PCDHA1: variants seen among roughly 807,000 people sequenced by gnomAD.
PCDHA1 encodes the protein protocadherin alpha 1, also known as protocadherin alpha-1.
In PCDHA1, 42 loss-of-function variants were observed where a neutral mutation model predicts 61.3. That is an observed-to-expected ratio of 0.69 (90% confidence interval 0.54 to 0.89). The LOEUF (loss-of-function observed/expected upper bound fraction) is 0.89. Among genes scored for constraint, PCDHA1 ranks in the 40% least tolerant of loss-of-function variants. The probability of loss-of-function intolerance (pLI) is 0.00; values close to 1 mark genes in which losing one functional copy is unlikely to be tolerated. For missense variants in PCDHA1, 1,256 were observed against 1,235.3 expected (o/e 1.02, Z -0.25); for synonymous variants, 610 against 553.8 (o/e 1.10, Z -1.43).
rs555714516 is a variant in PCDHA1, at chr5:140,983,025, A to T, written c.2542+462A>T. Among the ~76,000 whole-genome samples the T allele has an allele frequency of 9.9e-5, 15 of 151,964 alleles. 1 individual carries two copies. The South Asian group carries it at 2.9e-3, about 29-fold the overall frequency. ...AAGAAAAAGGAAGGAAGGAAGGAAG[A>T]TGGTTTCTCATGGAAGTGGAAAATT... On this transcript the variant is annotated intron_variant, in intron 3 of 3. Coordinates refer to ENST00000504120, the MANE Select transcript of PCDHA1 (RefSeq NM_018900.4).
intron 1 of PCDHA1, among the ~76,000 whole-genome samples, chr5:140,954,347 G>A (rs145658065): frequency 0.023 from 3,565 of 152,288 alleles, 49 homozygotes; most frequent in Middle Eastern, 0.034. Flanking sequence ...CTAGATCTTT[G>A]AGGAATCGCC....
At chr5:140,856,508 G>A (rs2044043194) in intron 1 of PCDHA1, 6 of 1,598,282 alleles carry the variant, frequency 3.8e-6, no homozygotes, top group Non-Finnish European at 5.1e-6. Context: ...ATTTCCACTA[G>A]AAGGCGCATC....
In PCDHA1 at chr5:140,883,729, C is replaced by T. The variant is rs572170960; in HGVS notation, c.2394+95045C>T. 8 of 1,613,520 alleles carry T rather than the reference C, an allele frequency of 5.0e-6. No homozygotes were observed. In the African/African-American group the frequency reaches 8.0e-5, roughly 16 times the overall value. ...CTCAGGACGCGGACGCACAGGAGAA[C>T]GCGCTGGTCTCCTACTCGCTGGTGG... On this transcript the variant is annotated intron_variant, in intron 1 of 3. Coordinates refer to ENST00000504120, the MANE Select transcript of PCDHA1 (RefSeq NM_018900.4).
chr5:140,941,564 C>T (rs1352264408), intron 1 of PCDHA1, among the ~76,000 whole-genome samples: 2 of 151,992 alleles, frequency 1.3e-5, no homozygotes, highest in Non-Finnish European at 2.9e-5. Flanking sequence ...ATCCATTCGC[C>T]TCAGCCTCCC....
rs1554151191 is a variant in PCDHA1, at chr5:140,858,123, T to A, written c.2394+69439T>A. The A allele has an allele frequency of 6.3e-7, 1 of 1,597,678 alleles. No individual in the cohort carries two copies. Among genetic ancestry groups the A allele is most frequent in the South Asian group, 1.1e-5 (1 of 90,530 alleles). ...GGCGTGGCGCCCGAGGTGGCCCTGG[T>A]GGATGTCAACGTGTACCTGATCATC... On this transcript the variant is annotated intron_variant, in intron 1 of 3. Coordinates refer to ENST00000504120, the MANE Select transcript of PCDHA1 (RefSeq NM_018900.4).
At chr5:140,843,820 T>A in intron 1 of PCDHA1, 1 of 1,210,794 alleles carries the variant, frequency 8.3e-7, no homozygotes, top group South Asian at 1.5e-5. Flanking sequence ...TAGTGAAAAT[T>A]TAAACATTGT....
chr5:140,855,223 T>G lies in PCDHA1; in HGVS notation c.2394+66539T>G, dbSNP rs79371036. 4.7e-3 allele frequency among the ~76,000 whole-genome samples: 698 copies of G among 149,962 alleles called. 54 individuals are homozygous for G. Among genetic ancestry groups the G allele is most frequent in the Non-Finnish European group, 8.3e-3 (557 of 67,056 alleles). ...ATAGTTTCCATTTATGAAGCACTCATTCTCCTTAAGGTACTATTGCAAGCA... is the reference window on the plus strand; with the variant it reads ...ATAGTTTCCATTTATGAAGCACTCAGTCTCCTTAAGGTACTATTGCAAGCA... On this transcript the variant is annotated intron_variant, in intron 1 of 3. Coordinates refer to ENST00000504120, the MANE Select transcript of PCDHA1 (RefSeq NM_018900.4).
intron 1 of PCDHA1, among the ~76,000 whole-genome samples, chr5:140,976,765 C>T (rs1483381591): frequency 6.6e-6 from 1 of 152,172 alleles, no homozygotes; most frequent in Non-Finnish European, 1.5e-5. Context: ...CAGAAGCCTG[C>T]TAGACTCTGA....
intron 1 of PCDHA1, chr5:140,803,776 C>G (rs1763279145): frequency 9.9e-7 from 1 of 1,009,570 alleles, no homozygotes; most frequent in African/African-American, 1.6e-5. Context: ...ACCAAATCAG[C>G]AGTAAGTTAT....
intron 1 of PCDHA1, among the ~76,000 whole-genome samples, chr5:140,935,799 A>T (rs1423027036): frequency 1.3e-5 from 2 of 151,978 alleles, no homozygotes; most frequent in African/African-American, 4.8e-5. Flanking sequence ...TATAAACGAG[A>T]TTATTTCATA....
In PCDHA1 at chr5:140,786,394, T is replaced by A. The variant is rs1554117369; in HGVS notation, c.104T>A (p.Ile35Asn). The stretch of plus-strand genomic sequence containing the variant: ...GGGAGCGGCCAGCTCCACTACTCGA[T>A]CCCGGAGGAAGCCAAACACGGCACC... ...EVGSGQLHYS[I>N]PEEAKHGTFV... Residue 35 changes from isoleucine to asparagine, a missense_variant, in exon 1 of 4, where the codon ATC (isoleucine) becomes AAC (asparagine). Ile to Asn is a moderately radical substitution (Grantham distance 149, BLOSUM62 -3). Coordinates refer to ENST00000504120, the MANE Select transcript of PCDHA1 (RefSeq NM_018900.4). The A allele has an allele frequency of 6.2e-7, 1 of 1,613,486 alleles. No homozygotes were observed. The highest frequency in any genetic ancestry group is 2.2e-5 in the East Asian group (1 of 44,892).
intron 1 of PCDHA1, among the ~76,000 whole-genome samples, chr5:140,974,580 T>C (rs2153804250): frequency 6.6e-6 from 1 of 152,286 alleles, no homozygotes; most frequent in South Asian, 2.1e-4. Context: ...GGCATGATCT[T>C]GGCTCACTGC....
intron 1 of PCDHA1, chr5:140,859,474 T>TA: frequency 4.8e-6 from 1 of 210,386 alleles, no homozygotes; most frequent in Non-Finnish European, 9.2e-6. Context: ...CTATCAATTG[T>TA]GTTTTCCTGA....
chr5:140,942,545 G>T (rs981508818), intron 1 of PCDHA1, among the ~76,000 whole-genome samples: 1 of 151,970 alleles, frequency 6.6e-6, no homozygotes, highest in Non-Finnish European at 1.5e-5. Flanking sequence ...ATGGTGGGGG[G>T]TAGGGGGTTG....
At chr5:140,854,589 AG>A (rs1479719574) in intron 1 of PCDHA1, 1 of 150,000 alleles carries the variant, frequency 6.7e-6, no homozygotes, top group African/African-American at 2.4e-5. Flanking sequence ...TAATAAAAAA[AG>A]TTTAAAGTAA....
chr5:140,851,986 C>T, intron 1 of PCDHA1: 1 of 976,230 alleles, frequency 1.0e-6, no homozygotes, highest in Non-Finnish European at 1.2e-6. Context: ...TTAGTGCAAG[C>T]TATTTGTTTG....
rs1266010631 is a variant in PCDHA1, at chr5:140,857,226, C to T, written c.2394+68542C>T. 4.4e-6 allele frequency: 7 copies of T among 1,598,494 alleles called. 1 individual carries two copies. Among genetic ancestry groups the T allele is most frequent in the Non-Finnish European group, 5.1e-6 (6 of 1,167,908 alleles). On this transcript the variant is annotated intron_variant, in intron 1 of 3. Coordinates refer to ENST00000504120, the MANE Select transcript of PCDHA1 (RefSeq NM_018900.4). ...ACCTGCTCTCTGACGCCTCACGTTC[C>T]GTTCAAGCTGGTGTCCACCTACAAG...
At chr5:141,002,449 C>G (rs2098081029) in intron 3 of PCDHA1, among the ~76,000 whole-genome samples, 1 of 152,192 alleles carries the variant, frequency 6.6e-6, no homozygotes, top group African/African-American at 2.4e-5. Flanking sequence ...ATAATTGGCA[C>G]ATTTGTATAA....
intron 1 of PCDHA1, chr5:140,871,538 A>G: frequency 6.6e-7 from 1 of 1,507,314 alleles, no homozygotes; most frequent in Non-Finnish European, 8.9e-7. Context: ...TGTATGTGAA[A>G]TTATTTAAAA....
Sources: allele counts gnomAD v4.1 joint callset (sites outside exome capture counted in the v4.1 genomes callset), GRCh38; gene constraint gnomAD v4.1.1; transcripts MANE v1.5; gene names NCBI Gene and HGNC (gene_info 2026-07-23, HGNC 2026-07-21).